FAM78B: variants seen among roughly 807,000 people sequenced by gnomAD.
The protein encoded by FAM78B is family with sequence similarity 78 member B, also known as protein FAM78B.
A neutral mutation model predicts 20.0 loss-of-function variants in FAM78B; 10 were observed. The observed-to-expected ratio is 0.50, with a 90% CI of 0.31 to 0.85. FAM78B has a LOEUF of 0.85. Among genes scored for constraint, FAM78B ranks in the 40% least tolerant of loss-of-function variants. The pLI, the probability that FAM78B is intolerant of heterozygous loss-of-function variation, is 0.05. For synonymous variants in FAM78B, 135 were observed against 132.8 expected (o/e 1.02, Z -0.12); for missense variants, 283 against 345.0 (o/e 0.82, Z 1.42).
At chr1:166,105,432 G>C (rs904127849) in intron 1 of FAM78B, among the ~76,000 whole-genome samples, 65 of 152,046 alleles carry the variant, frequency 4.3e-4, no homozygotes, top group East Asian at 7.7e-4. Flanking sequence ...TACAGAATGG[G>C]AGAAAATTTT....
intron 2 of FAM78B, among the ~76,000 whole-genome samples, chr1:166,063,352 A>G (rs1174715036): frequency 6.6e-6 from 1 of 152,164 alleles, no homozygotes; most frequent in African/African-American, 2.4e-5. Flanking sequence ...GTGGGCATGA[A>G]GCAGGGCTGG....
chr1:166,144,292 TG>T (rs34756095), intron 1 of FAM78B, among the ~76,000 whole-genome samples: 1 of 151,282 alleles, frequency 6.6e-6, no homozygotes, highest in Non-Finnish European at 1.5e-5. Flanking sequence ...GGAGTGGTGG[TG>T]GGGGGGTGGT....
intron 2 of FAM78B, among the ~76,000 whole-genome samples, chr1:166,061,825 G>A (rs1651608097): frequency 6.6e-6 from 1 of 152,192 alleles, no homozygotes; most frequent in South Asian, 2.1e-4. Context: ...ACACAGCAGG[G>A]ATAGAGGGGA....
At chr1:166,067,506 T>C (rs897529670), downstream of FAM78B, among the ~76,000 whole-genome samples, 1 of 151,946 alleles carries the variant, frequency 6.6e-6, no homozygotes, top group African/African-American at 2.4e-5. Context: ...CCCAGGCATT[T>C]TGAGGGGAAG....
At chr1:166,087,501 T>G (rs1338127377) in intron 1 of FAM78B, 1 of 152,220 alleles carries the variant, frequency 6.6e-6, no homozygotes. Context: ...GAAGGAAAAC[T>G]ACCATGTCTT....
At chr1:166,118,692 C>T (rs189211520) in intron 1 of FAM78B, among the ~76,000 whole-genome samples, 86 of 152,194 alleles carry the variant, frequency 5.7e-4, no homozygotes, top group Middle Eastern at 6.8e-3. Flanking sequence ...TATTCTCTGG[C>T]CCTTCAGAGA....
At chr1:166,111,941 AAGTTG>A (rs1654072359) in intron 1 of FAM78B, among the ~76,000 whole-genome samples, 1 of 152,216 alleles carries the variant, frequency 6.6e-6, no homozygotes, top group South Asian at 2.1e-4. Context: ...AAGAGAATAT[AAGTTG>A]AGTTCAGTTA....
chr1:166,132,417 C>A (rs1654909469), intron 1 of FAM78B, among the ~76,000 whole-genome samples: 1 of 152,044 alleles, frequency 6.6e-6, no homozygotes, highest in Non-Finnish European at 1.5e-5. Flanking sequence ...TCCTTATCTG[C>A]AAAATGGGGA....
chr1:166,155,926 T>C lies in FAM78B; in HGVS notation c.263+10060A>G, dbSNP rs150178813. Among the ~76,000 whole-genome samples, 445 of 152,318 alleles carry C rather than the reference T, an allele frequency of 2.9e-3. 3 individuals carry two copies. The highest frequency in any genetic ancestry group is 0.01 in the African/African-American group (426 of 41,564). ...GGCAAAGCAACATCTAATTTGCCTG[T>C]TTCTGGCAGCTCTTGGACTTGCCAA... On this transcript the variant is annotated intron_variant, in intron 1 of 1. Coordinates refer to ENST00000354422, the MANE Select transcript of FAM78B (RefSeq NM_001017961.5).
At chr1:166,120,005 T>C (rs1654409138) in intron 1 of FAM78B, among the ~76,000 whole-genome samples, 1 of 152,208 alleles carries the variant, frequency 6.6e-6, no homozygotes, top group African/African-American at 2.4e-5. Flanking sequence ...CTTGTGCCTC[T>C]GAATTCAGCC....
intron 1 of FAM78B, among the ~76,000 whole-genome samples, chr1:166,164,312 G>A (rs1656273397): frequency 6.6e-6 from 1 of 152,222 alleles, no homozygotes; most frequent in Non-Finnish European, 1.5e-5. Context: ...GGAAATGAGA[G>A]GAAGGGCTCT....
chr1:166,154,816 C>G, intron 1 of FAM78B: 1 of 477,666 alleles, frequency 2.1e-6, no homozygotes. Context: ...CTGCCCTTTT[C>G]TGGGCTTCAG....
intron 1 of FAM78B, among the ~76,000 whole-genome samples, chr1:166,125,581 C>G (rs555116348): frequency 3.3e-5 from 5 of 152,128 alleles, no homozygotes; most frequent in Non-Finnish European, 7.3e-5. Context: ...TTAACAAATA[C>G]AATTGTTCCT....
At position 166,070,001 on chromosome 1, in the gene FAM78B, G is replaced by A; in HGVS notation, c.*240C>T. ...GCTCCAAAATATGGCTACTTGCATG[G>A]TAATCACAGCAAGTCTGTCAAATCA... On this transcript the variant is annotated 3_prime_UTR_variant, in exon 2 of 2. Coordinates refer to ENST00000354422, the MANE Select transcript of FAM78B (RefSeq NM_001017961.5). The A allele has an allele frequency of 1.6e-5, 20 of 1,219,198 alleles. No individual in the cohort carries two copies. Among genetic ancestry groups the A allele is most frequent in the Non-Finnish European group, 2.0e-5 (20 of 978,664 alleles). 75.5% of individuals were successfully genotyped at this position (1,219,198 alleles called of 1,614,324 possible). A position where few individuals can be genotyped will look rare whatever the true frequency, so the allele number is the denominator to read the frequency against.
chr1:166,145,949 T>A (rs2101793477), intron 1 of FAM78B, among the ~76,000 whole-genome samples: 1 of 152,354 alleles, frequency 6.6e-6, no homozygotes, highest in Middle Eastern at 3.4e-3. Context: ...TTTTATTGTG[T>A]CTCTGCCAGG....
intron 1 of FAM78B, among the ~76,000 whole-genome samples, chr1:166,107,436 C>T (rs1653830107): frequency 6.6e-6 from 1 of 152,074 alleles, no homozygotes; most frequent in Non-Finnish European, 1.5e-5. Flanking sequence ...ACACAACCCT[C>T]CTAGCTTAAA....
At chr1:166,151,369 C>T (rs1048872128) in intron 1 of FAM78B, among the ~76,000 whole-genome samples, 4 of 152,196 alleles carry the variant, frequency 2.6e-5, no homozygotes, top group African/African-American at 9.7e-5. Flanking sequence ...TCGTTAAGTA[C>T]TAGGGTATAA....
chr1:166,076,172 A>T (rs1652266889), intron 1 of FAM78B, among the ~76,000 whole-genome samples: 1 of 152,170 alleles, frequency 6.6e-6, no homozygotes, highest in Non-Finnish European at 1.5e-5. Flanking sequence ...AAATCGTGTC[A>T]CTTTCTTGCT....
chr1:166,079,828 A>ACTCC (rs1194834084), intron 1 of FAM78B, among the ~76,000 whole-genome samples: 3 of 152,192 alleles, frequency 2.0e-5, no homozygotes, highest in South Asian at 2.1e-4. Flanking sequence ...TTGTATTCAT[A>ACTCC]CTCCGAAGCC....
Sources: allele counts gnomAD v4.1 joint callset (sites outside exome capture counted in the v4.1 genomes callset), GRCh38; gene constraint gnomAD v4.1.1; transcripts MANE v1.5; gene names NCBI Gene and HGNC (gene_info 2026-07-23, HGNC 2026-07-21).